CEP162: variants seen among roughly 807,000 people sequenced by gnomAD.
The protein encoded by CEP162 is centrosomal protein 162.
CEP162 carries 141 observed loss-of-function variants against 169.2 expected under a neutral mutation model. That is an observed-to-expected ratio of 0.83 (90% confidence interval 0.73 to 0.96). The LOEUF is 0.96. Ranked by LOEUF, CEP162 falls within the 40% of genes least tolerant of loss-of-function variation. The pLI is 0.00. For missense variants in CEP162, 1,600 were observed against 1,587.2 expected, an observed-to-expected ratio of 1.01 and a Z score of -0.14; for synonymous variants, 540 against 526.4, an observed-to-expected ratio of 1.03 and a Z score of -0.35.
In CEP162 at chr6:84,132,490, T is replaced by C. The variant is rs181838660; in HGVS notation, c.3871-5978A>G. On this transcript the variant is annotated intron_variant, in intron 25 of 26. Coordinates refer to ENST00000403245, the MANE Select transcript of CEP162 (RefSeq NM_014895.4). The stretch of plus-strand genomic sequence containing the variant: ...CACTTTCAGGTACACCAATCAGACA[T>C]AGATTTGGTCTTTTCACATAGTCCC... 3.0e-3 allele frequency among the ~76,000 whole-genome samples: 459 copies of C among 152,312 alleles called. 1 individual carries two copies. The highest frequency in any genetic ancestry group is 1.0e-2 in the African/African-American group (414 of 41,552).
chr6:84,193,840 A>C (rs1317208255), intron 10 of CEP162, 150 bp from the exon 11 acceptor site: 1 of 482,452 alleles, frequency 2.1e-6, no homozygotes, highest in East Asian at 3.4e-5. Flanking sequence ...GTTTCCTTAT[A>C]CCAGGAAAAC....
intron 11 of CEP162, among the ~76,000 whole-genome samples, chr6:84,189,080 T>C (rs900133572): frequency 1.3e-5 from 2 of 151,598 alleles, no homozygotes; most frequent in Non-Finnish European, 2.9e-5. Context: ...TGAGATGGAG[T>C]CTCGCTCTGT....
intron 11 of CEP162, among the ~76,000 whole-genome samples, chr6:84,188,570 T>C (rs964482087): frequency 6.6e-6 from 1 of 152,316 alleles, no homozygotes; most frequent in East Asian, 1.9e-4. Flanking sequence ...CCTCATTCGT[T>C]TTTATGGCTG....
intron 23 of CEP162, among the ~76,000 whole-genome samples, chr6:84,150,449 T>C (rs929862033): frequency 1.3e-5 from 2 of 152,138 alleles, no homozygotes; most frequent in Admixed American, 1.3e-4. Flanking sequence ...TTCCCAACTA[T>C]AGACAAATTT....
chr6:84,162,948 CTT>C (rs762155285), intron 19 of CEP162, among the ~76,000 whole-genome samples, 194 bp downstream of exon 19: 5 of 152,156 alleles, frequency 3.3e-5, no homozygotes, highest in Non-Finnish European at 7.3e-5. Context: ...TTGATTTTCT[CTT>C]GTCTTGCAGT....
At chr6:84,166,429 C>G (rs2129213253) in intron 18 of CEP162, among the ~76,000 whole-genome samples, 1 of 152,330 alleles carries the variant, frequency 6.6e-6, no homozygotes. Context: ...TGCCTTACCT[C>G]TAACTCATCA....
intron 12 of CEP162, among the ~76,000 whole-genome samples, chr6:84,185,881 T>A (rs138059450): frequency 5.9e-5 from 9 of 152,226 alleles, no homozygotes; most frequent in African/African-American, 2.2e-4. Flanking sequence ...GTAGAATGTC[T>A]GAATCATGGG....
intron 13 of CEP162, among the ~76,000 whole-genome samples, chr6:84,179,466 G>A (rs1025358037): frequency 1.3e-5 from 2 of 152,150 alleles, no homozygotes; most frequent in Non-Finnish European, 2.9e-5. Flanking sequence ...CTTCTTTTGA[G>A]AAGTGTCTGT....
At chr6:84,222,020 C>T (rs79765178) in intron 2 of CEP162, among the ~76,000 whole-genome samples, 5,379 of 149,972 alleles carry the variant, frequency 0.036, 170 homozygotes, top group African/African-American at 0.086. Flanking sequence ...GGCACAATTG[C>T]GGAATGAAAA....
intron 17 of CEP162, among the ~76,000 whole-genome samples, chr6:84,170,497 T>C (rs941707999): frequency 2.9e-4 from 43 of 150,766 alleles, no homozygotes; most frequent in Non-Finnish European, 7.4e-5. Context: ...AGAGGATATA[T>C]ATATATAGTC....
At chr6:84,174,695 AT>A (rs2099531650) in intron 15 of CEP162, 31 bp downstream of exon 15, 2 of 1,007,414 alleles carry the variant, frequency 2.0e-6, no homozygotes, top group Admixed American at 2.9e-5. Flanking sequence ...TTTAATAAAT[AT>A]AAAAAAATAC....
chr6:84,147,049 T>G (rs2099519194), intron 24 of CEP162, among the ~76,000 whole-genome samples: 1 of 152,162 alleles, frequency 6.6e-6, no homozygotes, highest in Non-Finnish European at 1.5e-5. Flanking sequence ...CACTTGCATG[T>G]TTATTGCAGC....
chr6:84,136,404 G>T (rs1351381148), intron 25 of CEP162, among the ~76,000 whole-genome samples: 1 of 152,152 alleles, frequency 6.6e-6, no homozygotes. Context: ...GACAGAGAGG[G>T]AATGAGAACC....
Position 84,169,340 on chromosome 6 carries a change from T to TACAC in CEP162, c.2372_2373insGTGT (p.Arg792CysfsTer26), listed in dbSNP as rs781202128. ...TTATGCAACTTACCTGTGCCATCCG[T>TACAC]AGTTCTGCTAACAGATCTGTAAAAT... On this transcript the variant is annotated frameshift_variant, in exon 18 of 27. Coordinates refer to ENST00000403245, the MANE Select transcript of CEP162 (RefSeq NM_014895.4). LOFTEE classifies it high-confidence loss of function. The TACAC allele has an allele frequency of 6.4e-6, 10 of 1,565,924 alleles. No homozygotes were observed. The highest frequency in any genetic ancestry group is 8.7e-6 in the Non-Finnish European group (10 of 1,153,884).
At chr6:84,160,775 T>C (rs576781882) in intron 21 of CEP162, 37 bp downstream of exon 21, 4 of 1,291,316 alleles carry the variant, frequency 3.1e-6, no homozygotes, top group African/African-American at 1.5e-5. Context: ...GCACTATATA[T>C]AAAATATGCT....
At chr6:84,197,779 T>C (rs138340994) in intron 9 of CEP162, among the ~76,000 whole-genome samples, 3 of 146,848 alleles carry the variant, frequency 2.0e-5, no homozygotes, top group Non-Finnish European at 4.4e-5. Context: ...ATCATGCCAC[T>C]GCATTCCAGC....
At chr6:84,220,323 T>C (rs2099553185) in intron 3 of CEP162, among the ~76,000 whole-genome samples, 1 of 152,118 alleles carries the variant, frequency 6.6e-6, no homozygotes, top group Admixed American at 6.5e-5. Context: ...TGTGGCAGTA[T>C]CATGTATAGT....
intron 6 of CEP162, among the ~76,000 whole-genome samples, chr6:84,210,622 A>C (rs1334013516): frequency 6.6e-6 from 1 of 152,172 alleles, no homozygotes; most frequent in Non-Finnish European, 1.5e-5. Flanking sequence ...TCAAGAGAGG[A>C]GGTGCCTAAG....
At chr6:84,222,773 C>T (rs1281704913) in intron 2 of CEP162, among the ~76,000 whole-genome samples, 1 of 127,342 alleles carries the variant, frequency 7.9e-6, no homozygotes, top group African/African-American at 4.3e-5. Flanking sequence ...CACGCGCGTG[C>T]ACACACACAC....
Sources: allele counts gnomAD v4.1 joint callset (sites outside exome capture counted in the v4.1 genomes callset), GRCh38; gene constraint gnomAD v4.1.1; transcripts MANE v1.5; gene names NCBI Gene and HGNC (gene_info 2026-07-23, HGNC 2026-07-21).